Variants in GALNT17 observed in about 807,000 individuals in gnomAD.
GALNT17 encodes polypeptide N-acetylgalactosaminyltransferase 17.
A neutral mutation model predicts 63.7 loss-of-function variants in GALNT17; 29 were observed. The ratio of observed to expected loss-of-function variants is 0.46; its 90% confidence interval spans 0.34 to 0.62. GALNT17 has a LOEUF of 0.62. Among genes scored for constraint, GALNT17 ranks in the 20% least tolerant of loss-of-function variants. The probability of loss-of-function intolerance (pLI) is 0.01; values close to 1 mark genes in which losing one functional copy is unlikely to be tolerated. For synonymous variants in GALNT17, 305 were observed against 318.3 expected, an observed-to-expected ratio of 0.96 and a Z score of 0.45; for missense variants, 603 against 799.6, an observed-to-expected ratio of 0.75 and a Z score of 2.97.
chr7:71,463,186 G>T lies in GALNT17; in HGVS notation c.962+42081G>T, dbSNP rs185545366. Among the ~76,000 whole-genome samples, 16 of 152,196 alleles carry T rather than the reference G, an allele frequency of 1.1e-4. No homozygotes were observed. The East Asian group carries it at 2.9e-3, about 28-fold the overall frequency. On this transcript the variant is annotated intron_variant, in intron 5 of 10. Coordinates refer to ENST00000333538, the MANE Select transcript of GALNT17 (RefSeq NM_022479.3). Reference sequence around the variant, plus strand: ...CAGGCTGATCCCATTCCTCTGTGAGGGTCTTAAAACTGGTTGCTAGAATTT... The same window carrying T: ...CAGGCTGATCCCATTCCTCTGTGAGTGTCTTAAAACTGGTTGCTAGAATTT...
intron 5 of GALNT17, among the ~76,000 whole-genome samples, chr7:71,431,189 A>AT (rs141044758): frequency 2.4e-4 from 30 of 126,094 alleles, no homozygotes; most frequent in East Asian, 6.9e-4. Context: ...CCCTATGAGT[A>AT]TTTTTTTTTC....
chr7:71,616,844 T>C (rs1050362836), intron 6 of GALNT17, among the ~76,000 whole-genome samples: 4 of 92,958 alleles, frequency 4.3e-5, no homozygotes, highest in African/African-American at 1.8e-4. Context: ...ATTATAATTA[T>C]GTATTGCATA....
chr7:71,617,023 T>C (rs1198240857), intron 6 of GALNT17, among the ~76,000 whole-genome samples: 1 of 146,866 alleles, frequency 6.8e-6, no homozygotes, highest in Non-Finnish European at 1.5e-5. Context: ...TTAAATACTA[T>C]TAACTATATG....
chr7:71,422,825 C>T (rs1489928120), intron 5 of GALNT17, among the ~76,000 whole-genome samples: 1 of 152,202 alleles, frequency 6.6e-6, no homozygotes, highest in Non-Finnish European at 1.5e-5. Context: ...AAAACCAGAT[C>T]ACATGTGGGC....
At chr7:71,141,690 T>C (rs1787895322) in intron 1 of GALNT17, among the ~76,000 whole-genome samples, 1 of 151,152 alleles carries the variant, frequency 6.6e-6, no homozygotes, top group Non-Finnish European at 1.5e-5. Flanking sequence ...TTTTTTTTTT[T>C]TTTTGAAACA....
At chr7:71,359,326 T>C (rs1401183501) in intron 2 of GALNT17, among the ~76,000 whole-genome samples, 3 of 152,090 alleles carry the variant, frequency 2.0e-5, no homozygotes, top group Admixed American at 1.3e-4. Context: ...CGTGCAGAGA[T>C]CTCATGGTGA....
intron 6 of GALNT17, among the ~76,000 whole-genome samples, chr7:71,663,682 G>C (rs34573793): frequency 0.029 from 4,487 of 152,298 alleles, 73 homozygotes; most frequent in Middle Eastern, 0.065. Context: ...TTTCCCTGTG[G>C]TATAACCGAA....
At chr7:71,323,801 A>G (rs1054293548) in intron 1 of GALNT17, among the ~76,000 whole-genome samples, 18 of 152,338 alleles carry the variant, frequency 1.2e-4, no homozygotes, top group Middle Eastern at 3.4e-3. Context: ...CAGCCGTCCA[A>G]TCGTATCTAT....
chr7:71,376,762 C>T (rs181616185), intron 2 of GALNT17, among the ~76,000 whole-genome samples: 499 of 151,214 alleles, frequency 3.3e-3, no homozygotes, highest in Middle Eastern at 0.024. Context: ...GACCAGCCTG[C>T]GCAACTTAGC....
At chr7:71,502,057 C>G (rs901758735) in intron 5 of GALNT17, among the ~76,000 whole-genome samples, 1 of 152,108 alleles carries the variant, frequency 6.6e-6, no homozygotes, top group African/African-American at 2.4e-5. Flanking sequence ...TTTATTCAAC[C>G]TTTCCCTCTC....
At chr7:71,276,616 GCTTTGCTTCTC>G (rs1408875473) in intron 1 of GALNT17, among the ~76,000 whole-genome samples, 6 of 152,124 alleles carry the variant, frequency 3.9e-5, no homozygotes, top group Non-Finnish European at 8.8e-5. Context: ...GTAAGACGTG[GCTTTGCTTCTC>G]CTTTGCCTTC....
chr7:71,649,568 G>T (rs1340812362), intron 6 of GALNT17, among the ~76,000 whole-genome samples: 2 of 92,880 alleles, frequency 2.2e-5, no homozygotes, highest in Admixed American at 1.9e-4. Flanking sequence ...TTCCTTGGTG[G>T]GGGTCTTCAG....
intron 6 of GALNT17, 123 bp downstream of exon 6, chr7:71,571,525 C>G: frequency 1.2e-6 from 1 of 801,144 alleles, no homozygotes; most frequent in Non-Finnish European, 2.1e-6. Flanking sequence ...TTTACTCCAC[C>G]TTGTTCCTGG....
intron 2 of GALNT17, among the ~76,000 whole-genome samples, chr7:71,384,481 C>T (rs1792903468): frequency 6.6e-6 from 1 of 152,218 alleles, no homozygotes; most frequent in African/African-American, 2.4e-5. Flanking sequence ...CCTTTTCCAT[C>T]AGAATCCCAC....
chr7:71,657,910 A>G (rs79123618), intron 6 of GALNT17, among the ~76,000 whole-genome samples: 12,690 of 73,494 alleles, frequency 0.17, 676 homozygotes, highest in Middle Eastern at 0.34. Context: ...GGATGGGTGG[A>G]TGGATGGATG....
rs534994154 is a variant in GALNT17, at chr7:71,224,813, C to T, written c.238+91773C>T. On this transcript the variant is annotated intron_variant, in intron 1 of 10. Coordinates refer to ENST00000333538, the MANE Select transcript of GALNT17 (RefSeq NM_022479.3). ...GCCCAGCCTGGGAGGAAGAGGAGTT[C>T]CAAAGAATCAGCACCTTGGGGTTTT... is the stretch of plus-strand genomic sequence containing the variant. 1.9e-4 allele frequency among the ~76,000 whole-genome samples: 29 copies of T among 152,162 alleles called. 1 individual carries two copies. The highest frequency in any genetic ancestry group is 6.5e-4 in the African/African-American group (27 of 41,514).
intron 6 of GALNT17, among the ~76,000 whole-genome samples, chr7:71,593,232 T>G (rs569321308): frequency 1.0e-4 from 15 of 149,838 alleles, no homozygotes; most frequent in African/African-American, 3.7e-4. Context: ...GGAAATTTCA[T>G]GGATAGATTT....
chr7:71,345,831 A>G (rs555603020), intron 2 of GALNT17, among the ~76,000 whole-genome samples: 6 of 152,094 alleles, frequency 3.9e-5, no homozygotes, highest in Admixed American at 2.0e-4. Flanking sequence ...TCCTCTAACA[A>G]TAGATACCCT....
intron 1 of GALNT17, among the ~76,000 whole-genome samples, chr7:71,302,850 C>A (rs561427877): frequency 1.3e-5 from 2 of 152,052 alleles, no homozygotes; most frequent in Non-Finnish European, 2.9e-5. Context: ...GTGGATTAGG[C>A]GAGTCATATA....
Sources: allele counts gnomAD v4.1 joint callset (sites outside exome capture counted in the v4.1 genomes callset), GRCh38; gene constraint gnomAD v4.1.1; transcripts MANE v1.5; gene names NCBI Gene and HGNC (gene_info 2026-07-23, HGNC 2026-07-21).